The following CLGN variants were observed in gnomAD, a reference collection of about 807,000 sequenced individuals.
CLGN encodes testis tissue sperm-binding protein Li 79P.
CLGN carries 62 observed loss-of-function variants against 79.1 expected under a neutral mutation model. That is an observed-to-expected ratio of 0.78 (90% CI 0.64 to 0.97). The LOEUF (loss-of-function observed/expected upper bound fraction) is 0.97, where lower values mean the gene tolerates loss of function less well. Ranked by LOEUF, CLGN falls within the 50% of genes least tolerant of loss-of-function variation. The pLI is 0.00. For missense variants in CLGN, 647 were observed against 715.5 expected, an observed-to-expected ratio of 0.90 and a Z score of 1.09; for synonymous variants, 225 against 224.7, an observed-to-expected ratio of 1.00 and a Z score of -0.01.
intron 8 of CLGN, among the ~76,000 whole-genome samples, chr4:140,396,916 TATATATACAC>T (rs1482171722): frequency 4.9e-4 from 66 of 133,880 alleles, no homozygotes; most frequent in African/African-American, 1.6e-3. Flanking sequence ...TGTATATATA[TATATATACAC>T]ATATATATAT....
intron 1 of CLGN, among the ~76,000 whole-genome samples, chr4:140,425,931 C>G (rs1349889309): frequency 1.3e-5 from 2 of 151,980 alleles, no homozygotes; most frequent in African/African-American, 4.8e-5. Context: ...GCCGGGCCTT[C>G]TTTCACTCTC....
intron 1 of CLGN, among the ~76,000 whole-genome samples, chr4:140,418,171 C>G (rs1450846223): frequency 6.6e-6 from 1 of 151,904 alleles, no homozygotes; most frequent in Middle Eastern, 3.2e-3. Context: ...GAAACTGGAT[C>G]CCTTCCTTAC....
intron 10 of CLGN, 79 bp downstream of exon 10, chr4:140,395,740 C>T: frequency 8.3e-7 from 1 of 1,203,386 alleles, no homozygotes. Flanking sequence ...CAAAAGTTGA[C>T]ATAGGTAATT....
intron 1 of CLGN, among the ~76,000 whole-genome samples, chr4:140,416,369 A>T (rs1729330948): frequency 7.6e-6 from 1 of 131,776 alleles, no homozygotes; most frequent in Non-Finnish European, 1.6e-5. Context: ...AACTGAAGGA[A>T]ATAGAGACAC....
At chr4:140,408,518 T>A (rs1421470706) in intron 4 of CLGN, among the ~76,000 whole-genome samples, 1 of 152,018 alleles carries the variant, frequency 6.6e-6, no homozygotes, top group Non-Finnish European at 1.5e-5. Flanking sequence ...GCAAATGACA[T>A]AAATAGACAT....
chr4:140,416,970 A>T (rs1293189960), intron 1 of CLGN, among the ~76,000 whole-genome samples: 1 of 152,202 alleles, frequency 6.6e-6, no homozygotes, highest in Non-Finnish European at 1.5e-5. Context: ...TGCCAAACTG[A>T]ATCCAGCAGC....
intron 11 of CLGN, among the ~76,000 whole-genome samples, chr4:140,393,319 C>A (rs1370636158): frequency 1.3e-5 from 2 of 152,030 alleles, no homozygotes; most frequent in Non-Finnish European, 2.9e-5. Flanking sequence ...TTTATAGCAA[C>A]TGAATTTAAT....
rs755946209 is a variant in CLGN, at chr4:140,396,184, T to C, written c.906A>G (p.Gln302=). 10 of 1,614,086 alleles carry C rather than the reference T, an allele frequency of 6.2e-6. No individual in the cohort carries two copies. Among genetic ancestry groups the C allele is most frequent in the Admixed American group, 5.0e-5 (3 of 60,022 alleles). The change falls in exon 9 of 15, where the codon CAA becomes CAG. Residue 302 remains glutamine, a synonymous_variant. Transcript: ENST00000325617. ...PEDWDESEPA[Q]IEDSSVVKPA... The stretch of plus-strand genomic sequence containing the variant: ...GTTTAACAACACTTGAATCTTCTAT[T>C]TGGGCAGGTTCACTTTCATCCCTGT...
At chr4:140,425,340 C>T (rs942405873) in intron 1 of CLGN, among the ~76,000 whole-genome samples, 3 of 151,770 alleles carry the variant, frequency 2.0e-5, no homozygotes, top group Non-Finnish European at 4.4e-5. Flanking sequence ...GGCAAAATTC[C>T]AAGGTAGGAA....
chr4:140,389,957 G>T (rs1728741900), intron 14 of CLGN, among the ~76,000 whole-genome samples: 2 of 151,702 alleles, frequency 1.3e-5, no homozygotes, highest in South Asian at 4.1e-4. Flanking sequence ...GTGGGGTAAG[G>T]CTACCCAGCT....
chr4:140,396,434 G>T (rs905509346), intron 8 of CLGN, among the ~76,000 whole-genome samples: 1 of 151,666 alleles, frequency 6.6e-6, no homozygotes. Flanking sequence ...TTTTTAATAC[G>T]AATGATAGCA....
Position 140,392,345 on chromosome 4 carries a change from C to A in CLGN, c.1525G>T (p.Asp509Tyr), listed in dbSNP as rs376735755. The A allele has an allele frequency of 6.2e-7, 1 of 1,608,544 alleles. No homozygotes were observed. The highest frequency in any genetic ancestry group is 1.3e-5 in the African/African-American group (1 of 74,420). ...CCTTTTGTTTGTGGTATACATATGTCGGTTTTTTTATACTCTGTATCTTTA... is the reference window on the plus strand; with the variant it reads ...CCTTTTGTTTGTGGTATACATATGTAGGTTTTTTTATACTCTGTATCTTTA... ...KHKDTEYKKT[D>Y]ICIPQTKGVL... The change falls in exon 13 of 15, where the codon GAC (aspartate) becomes TAC (tyrosine). Residue 509 changes from aspartate to tyrosine, a missense_variant. Coordinates refer to ENST00000325617, the MANE Select transcript of CLGN (RefSeq NM_004362.3).
At chr4:140,393,731 A>T in intron 11 of CLGN, 95 bp downstream of exon 11, 1 of 1,005,700 alleles carries the variant, frequency 9.9e-7, no homozygotes, top group Non-Finnish European at 1.5e-6. Context: ...CTGCACATTT[A>T]TTTGCATTTA....
intron 1 of CLGN, among the ~76,000 whole-genome samples, chr4:140,421,001 A>G (rs977394938): frequency 6.6e-6 from 1 of 152,058 alleles, no homozygotes; most frequent in Non-Finnish European, 1.5e-5. Flanking sequence ...TCTAATATCT[A>G]TCTCTATGAT....
At chr4:140,406,925 C>T (rs73855797) in intron 4 of CLGN, among the ~76,000 whole-genome samples, 2,754 of 152,182 alleles carry the variant, frequency 0.018, 90 homozygotes, top group African/African-American at 0.062. Flanking sequence ...AAATTCAATT[C>T]GACAAAACTG....
At chr4:140,416,409 AG>A (rs1204217652) in intron 1 of CLGN, among the ~76,000 whole-genome samples, 1 of 147,096 alleles carries the variant, frequency 6.8e-6, no homozygotes, top group African/African-American at 2.5e-5. Flanking sequence ...TAATGAATCC[AG>A]GAGCTGGTTT....
rs778611891 is a variant in CLGN, at chr4:140,405,976, G to T, written c.385C>A (p.Pro129Thr). ...HHAISAVLAK[P>T]FIFADKPLIV... Reference sequence around the variant, plus strand: ...AAGGGTTTATCAGCAAAAATGAATGGTTTTGCTAATACAGCAGATATTGCA... The same window carrying T: ...AAGGGTTTATCAGCAAAAATGAATGTTTTTGCTAATACAGCAGATATTGCA... Residue 129 changes from proline to threonine, a missense_variant, in exon 5 of 15, where the codon CCA (proline) becomes ACA (threonine). Transcript: ENST00000325617. The T allele has an allele frequency of 4.3e-6, 7 of 1,612,396 alleles. No individual in the cohort carries two copies. In the Admixed American group the frequency reaches 1.0e-4, roughly 23 times the overall value.
chr4:140,398,458 G>A (rs1467987290), intron 8 of CLGN, among the ~76,000 whole-genome samples: 2 of 151,602 alleles, frequency 1.3e-5, no homozygotes, highest in Non-Finnish European at 1.5e-5. Flanking sequence ...TAGTAGAGAC[G>A]GGGTTTCGCC....
intron 4 of CLGN, among the ~76,000 whole-genome samples, chr4:140,407,586 CAAA>C (rs33994946): frequency 2.3e-4 from 30 of 127,784 alleles, no homozygotes; most frequent in Middle Eastern, 3.9e-3. Context: ...ACAATGGCTG[CAAA>C]AAAAAAAAAA....
Sources: gnomAD v4.1 joint callset for allele counts (sites outside exome capture counted in the v4.1 genomes callset) on GRCh38, gnomAD v4.1.1 for gene constraint, MANE v1.5 for transcripts, NCBI Gene and HGNC (gene_info 2026-07-23, HGNC 2026-07-21) for gene names.